BTRC: variants seen among roughly 807,000 people sequenced by gnomAD.
The protein encoded by BTRC is beta-transducin repeat containing E3 ubiquitin protein ligase, also known as F-box/WD repeat-containing protein 1A.
In BTRC, 42 loss-of-function variants were observed where a neutral mutation model predicts 85.5. The observed-to-expected ratio is 0.49, with a 90% confidence interval of 0.38 to 0.64. The LOEUF is 0.64. Among genes scored for constraint, BTRC ranks in the 30% least tolerant of loss-of-function variants. The pLI, the probability that BTRC is intolerant of heterozygous loss-of-function variation, is 0.00. For missense variants in BTRC, 594 were observed against 743.5 expected, an observed-to-expected ratio of 0.80 and a Z score of 2.34; for synonymous variants, 255 against 263.3, an observed-to-expected ratio of 0.97 and a Z score of 0.30.
intron 1 of BTRC, among the ~76,000 whole-genome samples, chr10:101,398,668 G>A (rs1003505145): frequency 5.9e-5 from 9 of 152,124 alleles, no homozygotes; most frequent in African/African-American, 1.9e-4. Flanking sequence ...TGTGAGTTGC[G>A]TACACTAATA....
intron 2 of BTRC, among the ~76,000 whole-genome samples, chr10:101,443,914 G>A (rs1944757978): frequency 6.6e-6 from 1 of 152,094 alleles, no homozygotes. Flanking sequence ...AAAGTCTTAG[G>A]CATAAATTAA....
chr10:101,512,973 T>C (rs993024096), intron 4 of BTRC, among the ~76,000 whole-genome samples: 1 of 152,230 alleles, frequency 6.6e-6, no homozygotes, highest in Admixed American at 6.5e-5. Flanking sequence ...CAGGCTTTTG[T>C]TGGGAAAGCC....
At chr10:101,497,424 G>A (rs1212021539) in intron 4 of BTRC, among the ~76,000 whole-genome samples, 4 of 152,232 alleles carry the variant, frequency 2.6e-5, no homozygotes, top group Non-Finnish European at 4.4e-5. Flanking sequence ...ATTAAAGCTG[G>A]GCATGGTAGT....
intron 3 of BTRC, among the ~76,000 whole-genome samples, chr10:101,468,104 A>C (rs1452245840): frequency 6.6e-6 from 1 of 152,160 alleles, no homozygotes; most frequent in African/African-American, 2.4e-5. Context: ...CAATTTAATA[A>C]CCGGCTTTCT....
chr10:101,504,103 CT>C (rs1462337990), intron 4 of BTRC, among the ~76,000 whole-genome samples: 1 of 152,154 alleles, frequency 6.6e-6, no homozygotes, highest in African/African-American at 2.4e-5. Flanking sequence ...TCAGTTTCAA[CT>C]TTCAGCATCA....
At chr10:101,425,963 A>G (rs183390419) in intron 1 of BTRC, among the ~76,000 whole-genome samples, 2 of 152,348 alleles carry the variant, frequency 1.3e-5, no homozygotes, top group African/African-American at 4.8e-5. Context: ...TTTAAAGGGC[A>G]TTATTTATTA....
chr10:101,470,638 C>T (rs1945500173), intron 3 of BTRC, among the ~76,000 whole-genome samples: 2 of 152,056 alleles, frequency 1.3e-5, no homozygotes, highest in Admixed American at 6.5e-5. Context: ...CCGGTTTTTT[C>T]TTTTAGAAGG....
chr10:101,355,216 T>C (rs1278220206), intron 1 of BTRC, among the ~76,000 whole-genome samples: 4 of 151,966 alleles, frequency 2.6e-5, no homozygotes, highest in Non-Finnish European at 5.9e-5. Flanking sequence ...CCATAAGAAG[T>C]GATGAGATCA....
chr10:101,393,105 A>T (rs1242434702), intron 1 of BTRC, among the ~76,000 whole-genome samples: 3 of 152,082 alleles, frequency 2.0e-5, no homozygotes, highest in Non-Finnish European at 4.4e-5. Context: ...GGAGGAAGGA[A>T]TGCTTCCATA....
rs543986088 is a variant in BTRC at position 101,390,595 on chromosome 10, G to A, written c.48+36367G>A. ...GATCCTCCCGCCTCGGTCTCCCAAA[G>A]CGCTAGGATTACAGGCGTGAGCCAC... On this transcript the variant is annotated intron_variant, in intron 1 of 14. Transcript: ENST00000370187. Among the ~76,000 whole-genome samples the A allele has an allele frequency of 2.6e-5, 4 of 152,020 alleles. No individual in the cohort carries two copies. In the South Asian group the frequency reaches 8.3e-4, roughly 32 times the overall value.
At chr10:101,471,586 TTATAAAATGAATTGGGAA>T in intron 3 of BTRC, among the ~76,000 whole-genome samples, 1 of 152,210 alleles carries the variant, frequency 6.6e-6, no homozygotes, top group African/African-American at 2.4e-5. Context: ...TATGCTGGTC[TTATAAAATGAATTGGGAA>T]ATCTTCCTCC....
intron 1 of BTRC, among the ~76,000 whole-genome samples, chr10:101,386,683 A>G (rs758994591): frequency 6.6e-6 from 1 of 152,192 alleles, no homozygotes; most frequent in Non-Finnish European, 1.5e-5. Flanking sequence ...GTCACAATTG[A>G]TGACAGCCTG....
chr10:101,500,370 G>C (rs1333685619), intron 4 of BTRC, among the ~76,000 whole-genome samples: 1 of 152,096 alleles, frequency 6.6e-6, no homozygotes, highest in Non-Finnish European at 1.5e-5. Flanking sequence ...TATAATCTTA[G>C]GGACCGTAGT....
chr10:101,364,334 G>A (rs1012984567), intron 1 of BTRC, among the ~76,000 whole-genome samples: 1 of 152,070 alleles, frequency 6.6e-6, no homozygotes, highest in Non-Finnish European at 1.5e-5. Context: ...CTATTCCACA[G>A]TGATGCCCTG....
intron 4 of BTRC, among the ~76,000 whole-genome samples, chr10:101,510,426 C>T (rs1285170310): frequency 4.0e-5 from 6 of 151,660 alleles, no homozygotes; most frequent in Admixed American, 2.6e-4. Context: ...AGGAGAATGG[C>T]GTGAACCCAG....
intron 1 of BTRC, among the ~76,000 whole-genome samples, chr10:101,364,443 G>A (rs1277416458): frequency 6.6e-6 from 1 of 152,162 alleles, no homozygotes; most frequent in Non-Finnish European, 1.5e-5. Context: ...AACTGTAACA[G>A]AGTTTACATC....
rs57342908 is a variant in BTRC at position 101,472,275 on chromosome 10, CTCTCTTCTCTTCTCT to C, written c.235-7057_235-7043del. On this transcript the variant is annotated intron_variant, in intron 3 of 14. Transcript: ENST00000370187. ...TTCCTTTTTCTTTTCTTTTCTTTTC[CTCTCTTCTCTTCTCT>C]TCTCTTCTCTTCTCTTCTCTTCTCT... Among the ~76,000 whole-genome samples, 716 of 114,328 alleles carry C rather than the reference CTCTCTTCTCTTCTCT, an allele frequency of 6.3e-3. 5 individuals carry two copies. Among genetic ancestry groups the C allele is most frequent in the African/African-American group, 0.019 (617 of 33,050 alleles). The allele number at this position is 114,328 out of a possible 152,430, so 75.0% of individuals were successfully genotyped here. A position where few individuals can be genotyped will look rare whatever the true frequency, so the allele number is the denominator to read the frequency against.
rs748141251 is a variant in BTRC, at chr10:101,532,448, T to A, written c.978+16T>A. 6.3e-7 allele frequency: 1 copy of A among 1,594,748 alleles called. No individual in the cohort carries two copies. The highest frequency in any genetic ancestry group is 1.1e-5 in the South Asian group (1 of 87,738). ...CACAATCAAGGTGAGGTCTATTCAG[T>A]TGTAGAAAGGTAGCAGAGGGAGCAA... On this transcript the variant is annotated intron_variant, in intron 8 of 14. Coordinates refer to ENST00000370187, the MANE Select transcript of BTRC (RefSeq NM_033637.4).
At chr10:101,515,753 C>T (rs1470913574) in intron 4 of BTRC, among the ~76,000 whole-genome samples, 8 of 152,132 alleles carry the variant, frequency 5.3e-5, no homozygotes, top group African/African-American at 1.2e-4. Flanking sequence ...CCTCGTGATC[C>T]GCCCATCTCT....
Sources: gnomAD v4.1 joint callset for allele counts (sites outside exome capture counted in the v4.1 genomes callset) on GRCh38, gnomAD v4.1.1 for gene constraint, MANE v1.5 for transcripts, NCBI Gene and HGNC (gene_info 2026-07-23, HGNC 2026-07-21) for gene names.